Variants in PALM2AKAP2 observed in about 807,000 individuals in gnomAD.
PALM2AKAP2 encodes PALM2-AKAP2 fusion protein.
A neutral mutation model predicts 71.5 loss-of-function variants in PALM2AKAP2; 37 were observed. That is an observed-to-expected ratio of 0.52 (90% CI 0.40 to 0.68). The LOEUF is 0.68. Among genes scored for constraint, PALM2AKAP2 ranks in the 30% least tolerant of loss-of-function variants. The pLI, the probability that PALM2AKAP2 is intolerant of heterozygous loss-of-function variation, is 0.00. For synonymous variants in PALM2AKAP2, 468 were observed against 478.8 expected, an observed-to-expected ratio of 0.98 and a Z score of 0.29; for missense variants, 1,224 against 1,191.8, an observed-to-expected ratio of 1.03 and a Z score of -0.40.
intron 1 of PALM2AKAP2, among the ~76,000 whole-genome samples, chr9:109,819,350 G>A (rs1827930607): frequency 1.3e-5 from 2 of 152,158 alleles, no homozygotes; most frequent in African/African-American, 4.8e-5. Context: ...AAGATAGGGG[G>A]CGAGCAACAA....
At chr9:109,691,861 TATATATACACACACACACACATA>T in intron 1 of PALM2AKAP2, among the ~76,000 whole-genome samples, 1 of 44,606 alleles carries the variant, frequency 2.2e-5, no homozygotes, top group East Asian at 1.4e-3. Flanking sequence ...TATATATATA[TATATATACACACACACACACATA>T]TATATATATA....
intron 5 of PALM2AKAP2, among the ~76,000 whole-genome samples, chr9:109,928,074 T>G (rs1192969136): frequency 6.6e-6 from 1 of 152,180 alleles, no homozygotes; most frequent in Non-Finnish European, 1.5e-5. Flanking sequence ...ACCTCAATCT[T>G]CAGTTGCCTG....
At chr9:109,943,224 A>G (rs138133145) in intron 6 of PALM2AKAP2, 2 of 1,614,102 alleles carry the variant, frequency 1.2e-6, no homozygotes, top group African/African-American at 2.7e-5. Flanking sequence ...TCATTGATGA[A>G]GATGATGAGA....
At chr9:109,799,164 G>A (rs1340725143) in intron 1 of PALM2AKAP2, among the ~76,000 whole-genome samples, 1 of 152,256 alleles carries the variant, frequency 6.6e-6, no homozygotes, top group African/African-American at 2.4e-5. Context: ...CATGGGCAAA[G>A]TGACAAGGTT....
intron 1 of PALM2AKAP2, among the ~76,000 whole-genome samples, chr9:110,116,527 G>A (rs547000611): frequency 1.3e-5 from 2 of 152,124 alleles, no homozygotes; most frequent in African/African-American, 4.8e-5. Flanking sequence ...TGGATAAGCC[G>A]GCCTCCTATT....
At chr9:110,155,785 T>A (rs1472350346) in intron 2 of PALM2AKAP2, among the ~76,000 whole-genome samples, 1 of 152,214 alleles carries the variant, frequency 6.6e-6, no homozygotes, top group Non-Finnish European at 1.5e-5. Flanking sequence ...CACTGGGCTG[T>A]CTGCACAAAA....
intron 7 of PALM2AKAP2, among the ~76,000 whole-genome samples, chr9:110,021,544 G>A (rs10512401): frequency 0.11 from 16,351 of 152,020 alleles, 934 homozygotes; most frequent in African/African-American, 0.15. Flanking sequence ...CCAATATTAC[G>A]AAGATCCACA....
exon 2 of PALM2AKAP2, chr9:110,138,417 G>A (rs139808664): frequency 2.9e-5 from 47 of 1,614,104 alleles, no homozygotes; most frequent in Non-Finnish European, 3.8e-5. Flanking sequence ...GAAGAGATCC[G>A]AGCAGCTCAG....
At chr9:109,885,178 A>T (rs964189958) in intron 3 of PALM2AKAP2, among the ~76,000 whole-genome samples, 2 of 152,196 alleles carry the variant, frequency 1.3e-5, no homozygotes, top group East Asian at 3.8e-4. Context: ...AGGTTTACAG[A>T]CATGTTTTTT....
chr9:109,856,342 T>C (rs1220511701), intron 1 of PALM2AKAP2, among the ~76,000 whole-genome samples: 2 of 152,260 alleles, frequency 1.3e-5, no homozygotes, highest in African/African-American at 4.8e-5. Context: ...GCTACATCTG[T>C]GAATCGCCAT....
intron 1 of PALM2AKAP2, among the ~76,000 whole-genome samples, chr9:110,097,916 C>T (rs1311105628): frequency 2.8e-5 from 4 of 140,634 alleles, no homozygotes; most frequent in Admixed American, 2.0e-4. Flanking sequence ...CCCGGCACCT[C>T]GGGAGGCCAA....
At chr9:109,937,557 TACTC>T (rs1299389620) in intron 6 of PALM2AKAP2, among the ~76,000 whole-genome samples, 1 of 152,226 alleles carries the variant, frequency 6.6e-6, no homozygotes, top group Non-Finnish European at 1.5e-5. Flanking sequence ...AACAGCATAT[TACTC>T]AGCTGTCTCG....
chr9:109,735,076 C>T (rs1395883366), intron 1 of PALM2AKAP2, among the ~76,000 whole-genome samples: 1 of 151,616 alleles, frequency 6.6e-6, no homozygotes, highest in African/African-American at 2.4e-5. Context: ...TTACCTTGGG[C>T]AAGACAAGGC....
intron 1 of PALM2AKAP2, among the ~76,000 whole-genome samples, chr9:109,843,774 C>T (rs1313390664): frequency 1.3e-5 from 2 of 152,172 alleles, no homozygotes; most frequent in Non-Finnish European, 2.9e-5. Context: ...GCAGCACTAC[C>T]TCGGCCTGGC....
intron 2 of PALM2AKAP2, among the ~76,000 whole-genome samples, chr9:110,142,586 G>A (rs1680002389): frequency 6.6e-6 from 1 of 152,210 alleles, no homozygotes; most frequent in Admixed American, 6.5e-5. Context: ...AAACAAGGAA[G>A]ACCATATCAT....
chr9:109,976,774 C>T (rs890953413), intron 6 of PALM2AKAP2, among the ~76,000 whole-genome samples: 4 of 152,138 alleles, frequency 2.6e-5, no homozygotes, highest in African/African-American at 9.7e-5. Flanking sequence ...ATGGGCACTA[C>T]TCTTATTTCT....
At chr9:109,864,225 A>G (rs1829386075) in intron 1 of PALM2AKAP2, among the ~76,000 whole-genome samples, 1 of 152,228 alleles carries the variant, frequency 6.6e-6, no homozygotes, top group South Asian at 2.1e-4. Flanking sequence ...TGTGCTAACA[A>G]CTGCTTAGTT....
At chr9:109,931,724 T>C (rs1383300703) in intron 5 of PALM2AKAP2, among the ~76,000 whole-genome samples, 1 of 152,242 alleles carries the variant, frequency 6.6e-6, no homozygotes, top group Non-Finnish European at 1.5e-5. Flanking sequence ...GCTTGAGCTC[T>C]CTGGCCAGGA....
chr9:109,840,810 A>G (rs1828640612), intron 1 of PALM2AKAP2, among the ~76,000 whole-genome samples: 1 of 152,234 alleles, frequency 6.6e-6, no homozygotes, highest in Non-Finnish European at 1.5e-5. Flanking sequence ...GATCAAAACC[A>G]CAATGAGATA....
Sources: gnomAD v4.1 joint callset for allele counts (sites outside exome capture counted in the v4.1 genomes callset) on GRCh38, gnomAD v4.1.1 for gene constraint, MANE v1.5 for transcripts, NCBI Gene and HGNC (gene_info 2026-07-23, HGNC 2026-07-21) for gene names.